Variants in PCDH15 observed in about 807,000 individuals in gnomAD.
PCDH15 encodes protocadherin-15.
PCDH15 carries 129 observed loss-of-function variants against 178.5 expected under a neutral mutation model. That is an observed-to-expected ratio of 0.72 (90% CI 0.63 to 0.84). The LOEUF is 0.84. Among genes scored for constraint, PCDH15 ranks in the 40% least tolerant of loss-of-function variants. PCDH15 has a pLI of 0.00. For synonymous variants in PCDH15, 800 were observed against 732.0 expected, an observed-to-expected ratio of 1.09 and a Z score of -1.50; for missense variants, 2,230 against 2,099.9, an observed-to-expected ratio of 1.06 and a Z score of -1.21.
At position 55,252,405 on chromosome 10, in the gene PCDH15, G is replaced by A. The variant is rs963056768; in HGVS notation, c.-156+67194C>T. Among the ~76,000 whole-genome samples, 8 of 151,938 alleles carry A rather than the reference G, an allele frequency of 5.3e-5. No individual in the cohort carries two copies. In the East Asian group the frequency reaches 1.6e-3, roughly 29 times the overall value. On this transcript the variant is annotated intron_variant, in intron 1 of 5. Transcript: ENST00000458638. ...AGAATAAAGAGGTTATTAAAAAATG[G>A]AATATCCACTTACTCTTCCTTTTTA... is the stretch of plus-strand genomic sequence containing the variant.
intron 2 of PCDH15, among the ~76,000 whole-genome samples, chr10:54,565,999 G>C (rs1033471843): frequency 1.3e-5 from 2 of 152,116 alleles, no homozygotes; most frequent in Non-Finnish European, 2.9e-5. Flanking sequence ...CAGTAGAATC[G>C]TTTGAAACTG....
At chr10:54,788,780 A>T (rs1383596966) in intron 1 of PCDH15, among the ~76,000 whole-genome samples, 1 of 151,782 alleles carries the variant, frequency 6.6e-6, no homozygotes, top group African/African-American at 2.4e-5. Flanking sequence ...TTAGCAAGTC[A>T]TTGGTGACAA....
At chr10:54,977,928 T>A (rs989703647) in intron 2 of PCDH15, among the ~76,000 whole-genome samples, 1 of 152,176 alleles carries the variant, frequency 6.6e-6, no homozygotes, top group African/African-American at 2.4e-5. Context: ...GATAGAATAA[T>A]TATCAGAAGG....
At chr10:55,473,682 C>T (rs2132109897) in intron 2 of PCDH15, among the ~76,000 whole-genome samples, 1 of 152,118 alleles carries the variant, frequency 6.6e-6, no homozygotes, top group South Asian at 2.1e-4. Context: ...AATAGGTCTC[C>T]CATTATGCAG....
At chr10:53,975,705 T>G (rs2134514426) in intron 21 of PCDH15, among the ~76,000 whole-genome samples, 1 of 152,294 alleles carries the variant, frequency 6.6e-6, no homozygotes, top group African/African-American at 2.4e-5. Flanking sequence ...AAACACTTTC[T>G]CTTATTCTAT....
At chr10:54,234,591 G>C (rs1342658042) in intron 9 of PCDH15, among the ~76,000 whole-genome samples, 1 of 152,028 alleles carries the variant, frequency 6.6e-6, no homozygotes, top group East Asian at 1.9e-4. Flanking sequence ...CAGGTAAAGG[G>C]GGGCTAAATA....
At chr10:53,835,008 C>G (rs1220043745) in intron 29 of PCDH15, among the ~76,000 whole-genome samples, 3 of 152,178 alleles carry the variant, frequency 2.0e-5, no homozygotes, top group Non-Finnish European at 4.4e-5. Context: ...ATTCATTACA[C>G]TGTATAAGAT....
chr10:53,888,459 G>A (rs1177285777), intron 26 of PCDH15, among the ~76,000 whole-genome samples: 2 of 142,168 alleles, frequency 1.4e-5, no homozygotes, highest in East Asian at 4.1e-4. Flanking sequence ...AAGGAGATAT[G>A]CATAAGTTCA....
intron 2 of PCDH15, among the ~76,000 whole-genome samples, chr10:54,586,714 C>T (rs572852929): frequency 1.3e-5 from 2 of 152,102 alleles, no homozygotes; most frequent in South Asian, 2.1e-4. Context: ...TAAGTTAGAC[C>T]AGTTACCCAG....
intron 2 of PCDH15, among the ~76,000 whole-genome samples, chr10:54,923,472 A>C (rs1266660644): frequency 1.4e-5 from 2 of 138,728 alleles, no homozygotes; most frequent in African/African-American, 5.0e-5. Context: ...ACAGTCTGCA[A>C]ATTTTCCAAA....
intron 2 of PCDH15, among the ~76,000 whole-genome samples, chr10:54,632,969 T>C (rs189393619): frequency 3.4e-4 from 51 of 152,138 alleles, no homozygotes; most frequent in Middle Eastern, 3.4e-3. Flanking sequence ...AATGGGAATA[T>C]TAAAAAGAAA....
chr10:54,391,670 A>G (rs911017932), intron 3 of PCDH15, among the ~76,000 whole-genome samples: 3 of 151,804 alleles, frequency 2.0e-5, no homozygotes, highest in Non-Finnish European at 4.4e-5. Flanking sequence ...CAGCTTGGAG[A>G]GAACCTATGC....
At chr10:54,816,450 T>A (rs909242829) in intron 3 of PCDH15, among the ~76,000 whole-genome samples, 9 of 152,076 alleles carry the variant, frequency 5.9e-5, no homozygotes, top group Admixed American at 3.9e-4. Flanking sequence ...GACTATTTCA[T>A]AGCACAAGAA....
chr10:54,911,874 A>G (rs1176996130), intron 2 of PCDH15, among the ~76,000 whole-genome samples: 2 of 152,222 alleles, frequency 1.3e-5, no homozygotes, highest in Non-Finnish European at 2.9e-5. Flanking sequence ...AGCCATGCAG[A>G]ACTGTGAGTC....
intron 1 of PCDH15, among the ~76,000 whole-genome samples, chr10:54,793,779 C>T (rs1414635560): frequency 6.7e-6 from 1 of 148,230 alleles, no homozygotes; most frequent in Non-Finnish European, 1.5e-5. Context: ...AAAAAATGAG[C>T]TGATGGTATA....
intron 5 of PCDH15, among the ~76,000 whole-genome samples, chr10:54,354,137 C>T (rs1455428362): frequency 1.3e-5 from 2 of 152,172 alleles, no homozygotes; most frequent in African/African-American, 4.8e-5. Context: ...AGGCATGCGC[C>T]ACCACGCCTG....
intron 3 of PCDH15, among the ~76,000 whole-genome samples, chr10:54,420,366 A>G (rs1774653): frequency 0.21 from 31,244 of 151,970 alleles, 3,992 homozygotes; most frequent in African/African-American, 0.36. Flanking sequence ...AATATTTGGG[A>G]AAAAGATGTT....
Position 55,221,744 on chromosome 10 carries a change from G to A in PCDH15, c.-155-55093C>T, listed in dbSNP as rs115403998. On this transcript the variant is annotated intron_variant, in intron 1 of 5. Transcript: ENST00000458638. ...CGTCCTCCATAGAAGTGTAGTATAT[G>A]TCAATAACCTTCACACCATAGATAT... Among the ~76,000 whole-genome samples, 732 of 152,122 alleles carry A rather than the reference G, an allele frequency of 4.8e-3. 9 individuals are homozygous for A. The highest frequency in any genetic ancestry group is 0.016 in the African/African-American group (680 of 41,450).
At chr10:54,003,292 A>C (rs531201706) in intron 20 of PCDH15, among the ~76,000 whole-genome samples, 2 of 152,262 alleles carry the variant, frequency 1.3e-5, no homozygotes, top group African/African-American at 4.8e-5. Flanking sequence ...AAATGAAGAA[A>C]ACAATAAAAA....
Sources: allele counts gnomAD v4.1 joint callset (sites outside exome capture counted in the v4.1 genomes callset), GRCh38; gene constraint gnomAD v4.1.1; transcripts MANE v1.5; gene names NCBI Gene and HGNC (gene_info 2026-07-23, HGNC 2026-07-21).